RIN2: variants seen among roughly 807,000 people sequenced by gnomAD.
The protein encoded by RIN2 is RAB5 interacting protein 2.
RIN2 carries 36 observed loss-of-function variants against 78.0 expected under a neutral mutation model. That is an observed-to-expected ratio of 0.46 (90% CI 0.35 to 0.61). The LOEUF (loss-of-function observed/expected upper bound fraction) is 0.61. Among genes scored for constraint, RIN2 ranks in the 20% least tolerant of loss-of-function variants. RIN2 has a pLI of 0.00. For missense variants in RIN2, 1,087 were observed against 1,159.7 expected (o/e 0.94, Z 0.91); for synonymous variants, 466 against 466.8 (o/e 1.00, Z 0.02).
At chr20:19,783,924 C>T (rs1357534600) in intron 1 of RIN2, among the ~76,000 whole-genome samples, 2 of 152,116 alleles carry the variant, frequency 1.3e-5, no homozygotes, top group South Asian at 2.1e-4. Context: ...GGCAAGGAGA[C>T]GGGGATGCTG....
chr20:19,889,335 C>T (rs1366377675), intron 2 of RIN2: 3 of 1,240,540 alleles, frequency 2.4e-6, no homozygotes, highest in East Asian at 6.8e-5. Context: ...GGACCTTCTA[C>T]GTCAGTGGCA....
intron 1 of RIN2, among the ~76,000 whole-genome samples, chr20:19,762,213 G>A (rs1457949995): frequency 6.6e-6 from 1 of 152,186 alleles, no homozygotes; most frequent in Non-Finnish European, 1.5e-5. Flanking sequence ...TTTGAAATCA[G>A]GTATTTTTAA....
chr20:19,769,202 T>C (rs923978469), intron 1 of RIN2, among the ~76,000 whole-genome samples: 2 of 152,224 alleles, frequency 1.3e-5, no homozygotes, highest in Non-Finnish European at 2.9e-5. Context: ...CCCAAAGTGC[T>C]GGGATTACAG....
rs73124296 is a variant in RIN2 at position 19,900,741 on chromosome 20, G to T, written c.57+11083G>T. On this transcript the variant is annotated intron_variant, in intron 3 of 12. Transcript: ENST00000255006. The stretch of plus-strand genomic sequence containing the variant: ...CAAGGTGGGCAGATGTCCTGAGGTC[G>T]GGAGTCCCAGACCAGCCTGATCAAC... 5.9e-5 allele frequency among the ~76,000 whole-genome samples: 9 copies of T among 151,310 alleles called. No homozygotes were observed. In the South Asian group the frequency reaches 6.3e-4, roughly 11 times the overall value.
chr20:19,960,568 A>G, intron 5 of RIN2, 132 bp from the exon 6 acceptor site: 235 of 699,284 alleles, frequency 3.4e-4, no homozygotes, highest in Non-Finnish European at 1.5e-5. Context: ...CTATGGCAGG[A>G]GAGTTTCCTG....
intron 3 of RIN2, among the ~76,000 whole-genome samples, chr20:19,897,905 G>A (rs2123585953): frequency 6.6e-6 from 1 of 152,130 alleles, no homozygotes; most frequent in East Asian, 1.9e-4. Flanking sequence ...GTAGAGACAG[G>A]GTCTCACTTC....
chr20:19,772,923 C>A (rs1321836384), intron 1 of RIN2, among the ~76,000 whole-genome samples: 1 of 152,210 alleles, frequency 6.6e-6, no homozygotes, highest in East Asian at 1.9e-4. Flanking sequence ...CTCAGGGTGT[C>A]CCTGTGTAGA....
At chr20:19,802,207 T>G (rs1254021966) in intron 2 of RIN2, among the ~76,000 whole-genome samples, 1 of 152,146 alleles carries the variant, frequency 6.6e-6, no homozygotes, top group Non-Finnish European at 1.5e-5. Context: ...TGAGGTTAGG[T>G]CACTTGCCCT....
Position 19,960,177 on chromosome 20 carries a change from T to C in RIN2, c.352-523T>C, listed in dbSNP as rs539961850. 3.9e-5 allele frequency among the ~76,000 whole-genome samples: 6 copies of C among 152,358 alleles called. No homozygotes were observed. The South Asian group carries it at 1.0e-3, about 26-fold the overall frequency. ...TTCCAAGAGGAGCTAGAAATTCAGA[T>C]TTCAATTTGAAAACAAAAAACAAAG... On this transcript the variant is annotated intron_variant, in intron 5 of 12. Coordinates refer to ENST00000255006, the MANE Select transcript of RIN2 (RefSeq NM_018993.4).
chr20:19,899,435 C>A (rs967642034), intron 3 of RIN2, among the ~76,000 whole-genome samples: 1 of 152,216 alleles, frequency 6.6e-6, no homozygotes, highest in African/African-American at 2.4e-5. Context: ...ACAACATAAT[C>A]TGAAGCTGTA....
At chr20:19,779,311 C>T (rs2034417794) in intron 1 of RIN2, among the ~76,000 whole-genome samples, 1 of 152,108 alleles carries the variant, frequency 6.6e-6, no homozygotes, top group South Asian at 2.1e-4. Flanking sequence ...AAAAAAAATC[C>T]TCCTAATTAT....
intron 3 of RIN2, among the ~76,000 whole-genome samples, chr20:19,902,480 C>T (rs1460461448): frequency 1.3e-5 from 2 of 152,062 alleles, no homozygotes; most frequent in African/African-American, 4.8e-5. Context: ...TCTGAGTTTC[C>T]TATAGCAAAA....
intron 1 of RIN2, among the ~76,000 whole-genome samples, chr20:19,764,923 T>TTTTTTTTTTTTG (rs2033813665): frequency 8.8e-6 from 1 of 113,808 alleles, no homozygotes; most frequent in Non-Finnish European, 1.8e-5. Flanking sequence ...TCTGCGTTTT[T>TTTTTTTTTTTTG]TTTTTTTTTT....
intron 3 of RIN2, among the ~76,000 whole-genome samples, chr20:19,923,443 A>G (rs946417363): frequency 8.2e-6 from 1 of 121,726 alleles, no homozygotes; most frequent in African/African-American, 4.1e-5. Context: ...ATAAAATAAA[A>G]TAAAATAAAA....
chr20:19,863,597 A>G (rs1212889140), intron 2 of RIN2, among the ~76,000 whole-genome samples: 1 of 152,222 alleles, frequency 6.6e-6, no homozygotes, highest in Non-Finnish European at 1.5e-5. Flanking sequence ...CACAGCTGTC[A>G]ATGGCTTGAA....
rs985263710 is a variant in RIN2 at position 19,900,899 on chromosome 20, G to C, written c.57+11241G>C. 3.8e-5 allele frequency among the ~76,000 whole-genome samples: 5 copies of C among 132,706 alleles called. No homozygotes were observed. The East Asian group carries it at 1.1e-3, about 30-fold the overall frequency. 87.1% of individuals were successfully genotyped at this position (132,706 alleles called of 152,430 possible). On this transcript the variant is annotated intron_variant, in intron 3 of 12. Transcript: ENST00000255006. ...CGGGAGGCGGAGGTTGCAGTGAGCC[G>C]AGATCACACCATTGCACTCTGGCCT...
intron 11 of RIN2, among the ~76,000 whole-genome samples, chr20:19,995,900 G>A (rs1380351460): frequency 6.6e-6 from 1 of 152,128 alleles, no homozygotes; most frequent in African/African-American, 2.4e-5. Context: ...GTGTTGCCAC[G>A]AGTCTGGACT....
Position 19,917,994 on chromosome 20 carries a change from A to G in RIN2, c.58-17105A>G, listed in dbSNP as rs116489511. 2.7e-3 allele frequency among the ~76,000 whole-genome samples: 409 copies of G among 152,358 alleles called. 2 individuals are homozygous for G. The highest frequency in any genetic ancestry group is 9.3e-3 in the African/African-American group (388 of 41,598). ...ACAGTTTTCATACTTTAATGTTGAT[A>G]TACACATTCAGATTGTCTTCTAGAA... On this transcript the variant is annotated intron_variant, in intron 3 of 12. Transcript: ENST00000255006.
At chr20:19,815,870 T>C (rs919484816) in intron 2 of RIN2, among the ~76,000 whole-genome samples, 1 of 152,242 alleles carries the variant, frequency 6.6e-6, no homozygotes, top group African/African-American at 2.4e-5. Context: ...CATCTTCCTT[T>C]GGGAAAGTAA....
Sources: gnomAD v4.1 joint callset for allele counts (sites outside exome capture counted in the v4.1 genomes callset) on GRCh38, gnomAD v4.1.1 for gene constraint, MANE v1.5 for transcripts, NCBI Gene and HGNC (gene_info 2026-07-23, HGNC 2026-07-21) for gene names.